Variants in ARNT observed in about 807,000 individuals in gnomAD.
ARNT encodes the protein class E basic helix-loop-helix protein 2.
ARNT carries 30 observed loss-of-function variants against 105.0 expected under a neutral mutation model. That is an observed-to-expected ratio of 0.29 (90% CI 0.21 to 0.39). The LOEUF is 0.39. Ranked by LOEUF, ARNT falls within the 10% of genes least tolerant of loss-of-function variation. The pLI is 1.00. For synonymous variants in ARNT, 304 were observed against 344.0 expected, an observed-to-expected ratio of 0.88 and a Z score of 1.29; for missense variants, 748 against 978.7, an observed-to-expected ratio of 0.76 and a Z score of 3.15.
At chr1:150,824,291 C>T (rs766775019) in intron 13 of ARNT, among the ~76,000 whole-genome samples, 84 of 151,984 alleles carry the variant, frequency 5.5e-4, no homozygotes, top group Non-Finnish European at 1.1e-3. Flanking sequence ...AAGGAAAAGA[C>T]TGTTTCCCTA....
chr1:150,829,761 A>T, intron 11 of ARNT, 143 bp downstream of exon 11: 1 of 860,152 alleles, frequency 1.2e-6, no homozygotes. Flanking sequence ...AATGGTCACT[A>T]TAAATGCCAT....
intron 12 of ARNT, 117 bp downstream of exon 12, chr1:150,828,976 T>C (rs1048552097): frequency 2.5e-6 from 3 of 1,204,408 alleles, no homozygotes; most frequent in Non-Finnish European, 3.4e-6. Flanking sequence ...CAGAATATGA[T>C]GATCTCTTTT....
At chr1:150,826,769 C>G in intron 12 of ARNT, 152 bp from the exon 13 acceptor site, 4 of 538,624 alleles carry the variant, frequency 7.4e-6, no homozygotes, top group Non-Finnish European at 1.4e-5. Flanking sequence ...CTCAACCTCC[C>G]AAGTAGCTGG....
chr1:150,854,857 C>CAAAAAA (rs769273005), intron 2 of ARNT, among the ~76,000 whole-genome samples: 2 of 31,624 alleles, frequency 6.3e-5, no homozygotes, highest in Non-Finnish European at 6.6e-5. Flanking sequence ...AACTACATCT[C>CAAAAAA]AAAAAAAAAA....
chr1:150,841,105 C>T lies in ARNT; in HGVS notation c.272+1319G>A, dbSNP rs587597713. On this transcript the variant is annotated intron_variant, in intron 5 of 21. Transcript: ENST00000358595. Reference sequence around the variant, plus strand: ...CTGGGACTACAGGCGCACACCACCACGCCCAGTTTTTTTTTTTTTTATTTT... The same window carrying T: ...CTGGGACTACAGGCGCACACCACCATGCCCAGTTTTTTTTTTTTTTATTTT... Among the ~76,000 whole-genome samples the T allele has an allele frequency of 5.3e-5, 8 of 150,604 alleles. No individual in the cohort carries two copies. The South Asian group carries it at 8.4e-4, about 16-fold the overall frequency.
At chr1:150,823,705 C>T (rs372950126) in intron 13 of ARNT, among the ~76,000 whole-genome samples, 17 of 152,222 alleles carry the variant, frequency 1.1e-4, no homozygotes, top group African/African-American at 3.1e-4. Flanking sequence ...CGCGTGCCAC[C>T]ACGCCCAGCT....
chr1:150,817,383 A>AT lies in ARNT; in HGVS notation c.1555_1556insA (p.Leu519HisfsTer25). 1 of 1,614,228 alleles carries AT rather than the reference A, an allele frequency of 6.2e-7. No homozygotes were observed. The highest frequency in any genetic ancestry group is 8.5e-7 in the Non-Finnish European group (1 of 1,180,040). ...CACCTGGGAATGATTGTAGCTGGCCAGTCCATCTCTTCCTGGTACCATGTC... is the reference window on the plus strand; with the variant it reads ...CACCTGGGAATGATTGTAGCTGGCCATGTCCATCTCTTCCTGGTACCATGTC... On this transcript the variant is annotated frameshift_variant, in exon 16 of 22. Transcript: ENST00000358595. LOFTEE classifies it high-confidence loss of function.
chr1:150,829,201 G>A lies in ARNT; in HGVS notation c.1059C>T (p.Asp353=), dbSNP rs1658864107. 6.2e-7 allele frequency: 1 copy of A among 1,614,114 alleles called. No individual in the cohort carries two copies. Residue 353 remains aspartate (D), a synonymous_variant, in exon 12 of 22, where the codon GAC becomes GAT. Transcript: ENST00000358595. ...LQVTSSPNCT[D]MSNVCQPTEF... ...CTGTTGGTTGACAAACATTACTCAT[G>A]TCTGTACAGTTGGGAGAACTAGTTA... is the stretch of plus-strand genomic sequence containing the variant.
intron 1 of ARNT, chr1:150,861,405 T>C (rs904984098): frequency 1.7e-4 from 46 of 272,874 alleles, no homozygotes; most frequent in African/African-American, 6.6e-4. Context: ...CCTGAAAGAA[T>C]TGAAAGCAGG....
chr1:150,826,401 T>G lies in ARNT; in HGVS notation c.1242+142A>C. On this transcript the variant is annotated intron_variant, in intron 13 of 21. Transcript: ENST00000358595. ...CCATAATTTCAAAGTATTAGTCCTTTTCTATTCCTTAAAAATGCAGATTAA... is the reference window on the plus strand; with the variant it reads ...CCATAATTTCAAAGTATTAGTCCTTGTCTATTCCTTAAAAATGCAGATTAA... The G allele has an allele frequency of 9.2e-6, 6 of 655,020 alleles. No individual in the cohort carries two copies. The South Asian group carries it at 1.3e-4, about 14-fold the overall frequency. 40.6% of individuals were successfully genotyped at this position (655,020 alleles called of 1,614,324 possible). A position where few individuals can be genotyped will look rare whatever the true frequency, so the allele number is the denominator to read the frequency against.
At chr1:150,873,914 T>C (rs1253215984) in intron 1 of ARNT, among the ~76,000 whole-genome samples, 1 of 150,238 alleles carries the variant, frequency 6.7e-6, no homozygotes, top group Non-Finnish European at 1.5e-5. Context: ...AGCAAGAACC[T>C]GTCTGAAAAA....
intron 2 of ARNT, among the ~76,000 whole-genome samples, chr1:150,857,989 T>G (rs759137535): frequency 6.6e-6 from 1 of 152,196 alleles, no homozygotes; most frequent in Non-Finnish European, 1.5e-5. Context: ...GAGCTCAGCA[T>G]TCTCTAAATT....
chr1:150,845,827 A>G (rs1571356123), intron 4 of ARNT, among the ~76,000 whole-genome samples: 1 of 152,104 alleles, frequency 6.6e-6, no homozygotes, highest in African/African-American at 2.4e-5. Context: ...GCTTGAACCC[A>G]GGAGGTGAAG....
In ARNT at chr1:150,812,518, TC is replaced by T. The variant is rs1198742276; in HGVS notation, c.2281-409del. On this transcript the variant is annotated intron_variant, in intron 21 of 21. Coordinates refer to ENST00000358595, the MANE Select transcript of ARNT (RefSeq NM_001668.4). Reference sequence around the variant, plus strand: ...AAGATTACTCCATTCACTCTTGCAGTCCCTCAGGACTTGTGTAAATAGACCA... The same window carrying T: ...AAGATTACTCCATTCACTCTTGCAGTCCTCAGGACTTGTGTAAATAGACCA... The T allele has an allele frequency of 8.5e-4, 134 of 158,486 alleles. 1 individual carries two copies. The highest frequency in any genetic ancestry group is 2.8e-4 in the Non-Finnish European group (20 of 72,296). 9.8% of individuals were successfully genotyped at this position (158,486 alleles called of 1,614,324 possible).
intron 2 of ARNT, chr1:150,853,095 A>G: frequency 2.7e-6 from 1 of 374,826 alleles, no homozygotes. Context: ...AGCCTGGCCA[A>G]CATGCTGAAA....
In ARNT at chr1:150,839,555, T is replaced by C; in HGVS notation, c.372A>G (p.Arg124=). The change falls in exon 6 of 22, where the codon CGA becomes CGG. Residue 124 remains arginine, a synonymous_variant. Transcript: ENST00000358595. The part of the protein sequence containing the change: ...DMVPTCSALA[R]KPDKLTILRM... ...GTAAGATGGTTAGCTTGTCTGGTTT[T>C]CGAGCCAGGGCACTACAGGTGGGTA... 6.2e-7 allele frequency: 1 copy of C among 1,614,226 alleles called. No homozygotes were observed. Among genetic ancestry groups the C allele is most frequent in the South Asian group, 1.1e-5 (1 of 91,086 alleles).
intron 7 of ARNT, 72 bp from the exon 8 acceptor site, chr1:150,834,712 G>T: frequency 7.7e-7 from 1 of 1,294,458 alleles, no homozygotes. Context: ...GATACTGAAG[G>T]CAAAGATAAG....
At chr1:150,874,917 G>A (rs587770025) in intron 1 of ARNT, among the ~76,000 whole-genome samples, 1 of 152,086 alleles carries the variant, frequency 6.6e-6, no homozygotes, top group Admixed American at 6.6e-5. Flanking sequence ...ATATGGTCAA[G>A]AGGCTGTCAT....
intron 18 of ARNT, 57 bp from the exon 19 acceptor site, chr1:150,816,463 G>A (rs1557850932): frequency 1.7e-5 from 27 of 1,557,700 alleles, no homozygotes; most frequent in Non-Finnish European, 1.6e-5. Context: ...ACAGAAGCTA[G>A]GAATCAAAGG....
Sources: allele counts gnomAD v4.1 joint callset (sites outside exome capture counted in the v4.1 genomes callset), GRCh38; gene constraint gnomAD v4.1.1; transcripts MANE v1.5; gene names NCBI Gene and HGNC (gene_info 2026-07-23, HGNC 2026-07-21).